The following RSRC1 variants were observed in gnomAD, a reference collection of about 807,000 sequenced individuals.
The protein encoded by RSRC1 is serine/Arginine-related protein 53.
Under a neutral mutation model 49.1 loss-of-function variants are expected in RSRC1, and 39 were observed. That is an observed-to-expected ratio of 0.79 (90% CI 0.61 to 1.04). The LOEUF (loss-of-function observed/expected upper bound fraction) is 1.04. Ranked by LOEUF, RSRC1 falls within the 50% of genes least tolerant of loss-of-function variation. The pLI is 0.00. For synonymous variants in RSRC1, 143 were observed against 130.8 expected (o/e 1.09, Z -0.63); for missense variants, 388 against 402.4 (o/e 0.96, Z 0.31).
intron 4 of RSRC1, among the ~76,000 whole-genome samples, chr3:158,264,938 T>A (rs1232849569): frequency 1.3e-5 from 2 of 152,252 alleles, no homozygotes; most frequent in African/African-American, 4.8e-5. Context: ...CTTTTGCCTT[T>A]ACAGGCATGT....
intron 6 of RSRC1, among the ~76,000 whole-genome samples, chr3:158,375,410 C>T (rs1199640037): frequency 6.6e-6 from 1 of 151,494 alleles, no homozygotes; most frequent in Non-Finnish European, 1.5e-5. Flanking sequence ...CCATGTTCCC[C>T]AGGCTGGTCT....
intron 5 of RSRC1, among the ~76,000 whole-genome samples, chr3:158,351,490 G>T (rs1352884204): frequency 6.6e-6 from 1 of 152,178 alleles, no homozygotes; most frequent in African/African-American, 2.4e-5. Context: ...CCCCATAGTT[G>T]GAGTTCGTCC....
intron 5 of RSRC1, among the ~76,000 whole-genome samples, chr3:158,317,388 C>G (rs1234636975): frequency 6.6e-6 from 1 of 151,932 alleles, no homozygotes; most frequent in South Asian, 2.1e-4. Flanking sequence ...GTCACCACGC[C>G]CAGCTAATTT....
intron 6 of RSRC1, among the ~76,000 whole-genome samples, chr3:158,449,807 T>TA (rs989635542): frequency 6.6e-6 from 1 of 151,934 alleles, no homozygotes; most frequent in Admixed American, 6.6e-5. Flanking sequence ...AATTGGTAAA[T>TA]TCTCCCTGGC....
intron 7 of RSRC1, among the ~76,000 whole-genome samples, chr3:158,481,765 T>TA (rs1294452388): frequency 1.3e-5 from 2 of 152,076 alleles, no homozygotes; most frequent in Admixed American, 1.3e-4. Flanking sequence ...TGAAGATACT[T>TA]ACAGTGTACT....
chr3:158,500,788 T>C (rs528901660), intron 7 of RSRC1, among the ~76,000 whole-genome samples: 64 of 152,278 alleles, frequency 4.2e-4, no homozygotes, highest in Admixed American at 3.3e-3. Flanking sequence ...ATCTATCAAT[T>C]TTATTTATCT....
At chr3:158,285,506 G>T (rs908978670) in intron 4 of RSRC1, among the ~76,000 whole-genome samples, 1 of 152,164 alleles carries the variant, frequency 6.6e-6, no homozygotes, top group Non-Finnish European at 1.5e-5. Context: ...TCACGATATT[G>T]ATTCTTCCTA....
rs190936126 is a variant in RSRC1, at chr3:158,472,299, G to A, written c.652+11296G>A. ...TGTCTGTAAAATAACTTGAAATTGT[G>A]TTTTGTTAGAAAAAAGAAAATATTC... On this transcript the variant is annotated intron_variant, in intron 7 of 9. Transcript: ENST00000611884. Among the ~76,000 whole-genome samples the A allele has an allele frequency of 4.6e-4, 70 of 152,110 alleles. No homozygotes were observed. In the East Asian group the frequency reaches 0.01, roughly 22 times the overall value.
At chr3:158,366,800 T>A (rs1731793907) in intron 6 of RSRC1, among the ~76,000 whole-genome samples, 1 of 152,180 alleles carries the variant, frequency 6.6e-6, no homozygotes, top group African/African-American at 2.4e-5. Flanking sequence ...TTTTTTCCCA[T>A]TGGTTTGTGT....
chr3:158,321,750 G>A (rs994343340), intron 5 of RSRC1, among the ~76,000 whole-genome samples: 19 of 151,810 alleles, frequency 1.3e-4, no homozygotes, highest in African/African-American at 4.4e-4. Flanking sequence ...TTTTTTAGGA[G>A]TTGCTCTAGG....
chr3:158,217,765 T>TGTGTGGGGG (rs112702432), intron 4 of RSRC1, among the ~76,000 whole-genome samples: 1 of 141,338 alleles, frequency 7.1e-6, no homozygotes, highest in African/African-American at 2.7e-5. Context: ...TGTGTGTGTG[T>TGTGTGGGGG]GGGGGGGGAA....
chr3:158,268,882 T>G (rs927318296), intron 4 of RSRC1, among the ~76,000 whole-genome samples: 1 of 152,200 alleles, frequency 6.6e-6, no homozygotes, highest in African/African-American at 2.4e-5. Flanking sequence ...TTGAACACTT[T>G]TGTTAATCAT....
chr3:158,324,093 AC>A (rs1728926590), intron 5 of RSRC1, among the ~76,000 whole-genome samples: 1 of 152,212 alleles, frequency 6.6e-6, no homozygotes, highest in Admixed American at 6.5e-5. Context: ...AGATTTTGAT[AC>A]AGCTACATTA....
chr3:158,119,240 T>G (rs6441174), intron 1 of RSRC1, among the ~76,000 whole-genome samples: 108,074 of 151,894 alleles, frequency 0.71, 39,186 homozygotes, highest in African/African-American at 0.83. Flanking sequence ...TCCTGATCCT[T>G]TCTGATTTTT....
intron 6 of RSRC1, among the ~76,000 whole-genome samples, chr3:158,396,409 TGAAG>T (rs763213838): frequency 2.0e-5 from 3 of 151,106 alleles, no homozygotes; most frequent in Non-Finnish European, 4.4e-5. Flanking sequence ...TTTTTTTTAA[TGAAG>T]GAAGATCTTT....
chr3:158,296,489 A>G (rs78976332), intron 4 of RSRC1, among the ~76,000 whole-genome samples: 1,998 of 152,142 alleles, frequency 0.013, 37 homozygotes, highest in Non-Finnish European at 0.021. Flanking sequence ...CCCTGTTCAG[A>G]TGTTTCACTA....
At chr3:158,540,788 A>T (rs2108508491) in intron 8 of RSRC1, among the ~76,000 whole-genome samples, 2 of 152,334 alleles carry the variant, frequency 1.3e-5, no homozygotes, top group Admixed American at 1.3e-4. Flanking sequence ...TTCAAGAATA[A>T]TTAGACTTTA....
intron 5 of RSRC1, among the ~76,000 whole-genome samples, chr3:158,354,415 G>C (rs1560007530): frequency 6.6e-6 from 1 of 152,170 alleles, no homozygotes; most frequent in African/African-American, 2.4e-5. Context: ...CATCACAATT[G>C]TTCCTTTAAA....
At chr3:158,534,071 G>T (rs1712578324) in intron 7 of RSRC1, among the ~76,000 whole-genome samples, 1 of 151,500 alleles carries the variant, frequency 6.6e-6, no homozygotes, top group African/African-American at 2.4e-5. Flanking sequence ...CCAAAGGTGG[G>T]AGTATTGGCT....
Sources: gnomAD v4.1 joint callset for allele counts (sites outside exome capture counted in the v4.1 genomes callset) on GRCh38, gnomAD v4.1.1 for gene constraint, MANE v1.5 for transcripts, NCBI Gene and HGNC (gene_info 2026-07-23, HGNC 2026-07-21) for gene names.